VOPP1: variants seen among roughly 807,000 people sequenced by gnomAD.
VOPP1 encodes the protein WW domain binding protein VOPP1.
Under a neutral mutation model 23.5 loss-of-function variants are expected in VOPP1, and 8 were observed. The observed-to-expected ratio is 0.34, with a 90% CI of 0.20 to 0.61. The LOEUF (loss-of-function observed/expected upper bound fraction) is 0.61, where lower values mean the gene tolerates loss of function less well. VOPP1 is among the 20% of genes least tolerant of loss of function. The probability of loss-of-function intolerance (pLI) is 0.78; values close to 1 mark genes in which losing one functional copy is unlikely to be tolerated. For missense variants in VOPP1, 174 were observed against 238.1 expected, an observed-to-expected ratio of 0.73 and a Z score of 1.77; for synonymous variants, 83 against 97.3, an observed-to-expected ratio of 0.85 and a Z score of 0.86.
At chr7:55,535,932 T>C (rs11764362) in intron 1 of VOPP1, among the ~76,000 whole-genome samples, 50,757 of 151,986 alleles carry the variant, frequency 0.33, 8,807 homozygotes, top group African/African-American at 0.42. Flanking sequence ...TGTTCTTTCC[T>C]TGATGACGAC....
intron 4 of VOPP1, among the ~76,000 whole-genome samples, chr7:55,437,302 C>T (rs1562875399): frequency 6.6e-6 from 1 of 152,228 alleles, no homozygotes; most frequent in East Asian, 1.9e-4. Flanking sequence ...GCAGTACCTG[C>T]TCCCTCACAG....
chr7:55,526,340 A>G (rs1796191791), intron 1 of VOPP1, among the ~76,000 whole-genome samples: 1 of 152,224 alleles, frequency 6.6e-6, no homozygotes, highest in African/African-American at 2.4e-5. Flanking sequence ...AAATATAGTT[A>G]TCCCTATTTA....
chr7:55,491,762 T>C (rs144410484), intron 4 of VOPP1, among the ~76,000 whole-genome samples: 1,773 of 152,368 alleles, frequency 0.012, 12 homozygotes, highest in Middle Eastern at 0.02. Flanking sequence ...TGTACAAGAA[T>C]GTCTATTGCT....
chr7:55,476,362 C>G (rs1048500393), intron 4 of VOPP1, among the ~76,000 whole-genome samples: 33 of 150,708 alleles, frequency 2.2e-4, no homozygotes, highest in Non-Finnish European at 4.1e-4. Context: ...AGGGGGATGG[C>G]CAGGCAGCCT....
chr7:55,561,267 T>G (rs7794340), intron 1 of VOPP1, among the ~76,000 whole-genome samples: 6 of 151,754 alleles, frequency 4.0e-5, no homozygotes, highest in Non-Finnish European at 1.5e-5. Flanking sequence ...GCACCTTCCC[T>G]CTTGATGACC....
At position 55,497,720 on chromosome 7, in the gene VOPP1, C is replaced by A. The variant is rs370104426; in HGVS notation, c.114-30G>T. 418 of 1,608,286 alleles carry A rather than the reference C, an allele frequency of 2.6e-4. 1 individual carries two copies. The highest frequency in any genetic ancestry group is 3.1e-4 in the Non-Finnish European group (365 of 1,174,862). ...GGAGAGAGGCACAGGCTGGTCAGCA[C>A]TGAATTGGAAGCAGCCACCGGACCA... On this transcript the variant is annotated intron_variant, in intron 2 of 4. Transcript: ENST00000285279.
At chr7:55,525,674 T>C (rs1179180695) in intron 1 of VOPP1, among the ~76,000 whole-genome samples, 1 of 151,228 alleles carries the variant, frequency 6.6e-6, no homozygotes, top group South Asian at 2.1e-4. Context: ...TACTCGATCA[T>C]CTAGGCAGAA....
At chr7:55,435,136 A>T (rs1357572998), downstream of VOPP1, among the ~76,000 whole-genome samples, 2 of 152,220 alleles carry the variant, frequency 1.3e-5, no homozygotes, top group South Asian at 2.1e-4. Flanking sequence ...GAGAGACTGG[A>T]TGTGTAATGT....
At chr7:55,554,075 T>C (rs1160760441) in intron 1 of VOPP1, among the ~76,000 whole-genome samples, 6 of 152,202 alleles carry the variant, frequency 3.9e-5, no homozygotes, top group Non-Finnish European at 5.9e-5. Context: ...CAAAAGCTTA[T>C]CCAAAATTGT....
rs559495119 is a variant in VOPP1, at chr7:55,488,771, C to T, written c.328+3511G>A. Among the ~76,000 whole-genome samples, 46 of 152,304 alleles carry T rather than the reference C, an allele frequency of 3.0e-4. 1 individual carries two copies. The South Asian group carries it at 9.5e-3, about 32-fold the overall frequency. On this transcript the variant is annotated intron_variant, in intron 4 of 4. Transcript: ENST00000285279. ...GCATCCCACGCCTGAACCCACTTCCCCTCTCAGACCAGCAGAGGAAAAATG... is the reference window on the plus strand; with the variant it reads ...GCATCCCACGCCTGAACCCACTTCCTCTCTCAGACCAGCAGAGGAAAAATG...
intron 1 of VOPP1, among the ~76,000 whole-genome samples, chr7:55,526,583 A>G (rs887190496): frequency 6.6e-6 from 1 of 152,216 alleles, no homozygotes; most frequent in Non-Finnish European, 1.5e-5. Context: ...GAGGGAGTGG[A>G]CAGCAGGGTC....
chr7:55,513,163 T>G (rs953652166), intron 2 of VOPP1, among the ~76,000 whole-genome samples: 4 of 148,914 alleles, frequency 2.7e-5, no homozygotes, highest in Non-Finnish European at 6.1e-5. Context: ...AGGAATGGGC[T>G]CTGCCTCCTG....
rs1315328305 is a variant in VOPP1 at position 55,492,406 on chromosome 7, C to A, written c.204G>T (p.Met68Ile). 2 of 1,611,016 alleles carry A rather than the reference C, an allele frequency of 1.2e-6. No homozygotes were observed. The highest frequency in any genetic ancestry group is 8.5e-7 in the Non-Finnish European group (1 of 1,178,596). Residue 68 changes from methionine to isoleucine, a missense_variant, in exon 4 of 5, where the codon ATG (methionine) becomes ATT (isoleucine). Met to Ile is a conservative substitution (Grantham distance 10). Transcript: ENST00000285279. ...QRLWYFWFLL[M>I]MGVLFCCGAG... The stretch of plus-strand genomic sequence containing the variant: ...CTCCGCAGCAGAAAAGCACGCCCAT[C>A]ATCAGAAGGAACCTGAGGAGAGTAC...
At chr7:55,535,053 T>C (rs115865571) in intron 1 of VOPP1, among the ~76,000 whole-genome samples, 3,000 of 152,286 alleles carry the variant, frequency 0.02, 100 homozygotes, top group African/African-American at 0.068. Context: ...CACTGCCACA[T>C]CCAAGTCTGG....
chr7:55,475,089 G>C (rs1792130711), intron 4 of VOPP1, among the ~76,000 whole-genome samples: 1 of 152,196 alleles, frequency 6.6e-6, no homozygotes, highest in South Asian at 2.1e-4. Flanking sequence ...CTGTAGGAGG[G>C]GACGGGTGGC....
At chr7:55,436,679 T>C in intron 4 of VOPP1, among the ~76,000 whole-genome samples, 1 of 151,770 alleles carries the variant, frequency 6.6e-6, no homozygotes, top group East Asian at 1.9e-4. Flanking sequence ...TGCGTGTGCG[T>C]GTGTGCATGT....
intron 1 of VOPP1, among the ~76,000 whole-genome samples, chr7:55,557,057 CG>C (rs1024892209): frequency 2.2e-4 from 34 of 152,314 alleles, no homozygotes; most frequent in African/African-American, 7.2e-4. Flanking sequence ...CTTCCTACTT[CG>C]GAAAACTGAC....
chr7:55,505,225 T>C (rs1454729951), intron 2 of VOPP1, among the ~76,000 whole-genome samples: 8 of 152,094 alleles, frequency 5.3e-5, no homozygotes, highest in South Asian at 2.1e-4. Context: ...ACACATGACT[T>C]AGAATGGCCA....
intron 1 of VOPP1, among the ~76,000 whole-genome samples, chr7:55,561,494 A>T (rs1797983593): frequency 6.6e-6 from 1 of 151,928 alleles, no homozygotes; most frequent in African/African-American, 2.4e-5. Context: ...GCAGATCACA[A>T]GGTTAGGAGT....
Sources: gnomAD v4.1 joint callset for allele counts (sites outside exome capture counted in the v4.1 genomes callset) on GRCh38, gnomAD v4.1.1 for gene constraint, MANE v1.5 for transcripts, NCBI Gene and HGNC (gene_info 2026-07-23, HGNC 2026-07-21) for gene names.